Variants in INPP4B observed in about 807,000 individuals in gnomAD.
INPP4B encodes inositol polyphosphate-4-phosphatase type II B, also known as inositol polyphosphate 4-phosphatase type II.
Under a neutral mutation model 122.5 loss-of-function variants are expected in INPP4B, and 55 were observed. The ratio of observed to expected loss-of-function variants is 0.45; its 90% confidence interval spans 0.36 to 0.56. INPP4B has a LOEUF of 0.56. INPP4B is among the 20% of genes least tolerant of loss of function. The pLI is 0.00. For synonymous variants in INPP4B, 403 were observed against 388.7 expected (o/e 1.04, Z -0.43); for missense variants, 1,000 against 1,097.7 (o/e 0.91, Z 1.26).
chr4:142,317,262 C>T (rs1217057008), intron 7 of INPP4B: 5 of 351,050 alleles, frequency 1.4e-5, no homozygotes, highest in Non-Finnish European at 2.9e-5. Context: ...GGACCATCAA[C>T]AAACTACCAA....
chr4:142,228,113 A>C (rs1285326010), intron 12 of INPP4B, among the ~76,000 whole-genome samples: 1 of 151,670 alleles, frequency 6.6e-6, no homozygotes, highest in African/African-American at 2.4e-5. Context: ...TGCTCATCAC[A>C]AATATTTTTT....
At chr4:142,598,552 T>C (rs1739200490) in intron 2 of INPP4B, among the ~76,000 whole-genome samples, 1 of 152,158 alleles carries the variant, frequency 6.6e-6, no homozygotes, top group Admixed American at 6.5e-5. Flanking sequence ...GACCCAAGGA[T>C]GCTGGAGAGC....
chr4:142,210,004 T>A (rs1328326118), intron 12 of INPP4B, among the ~76,000 whole-genome samples: 1 of 152,136 alleles, frequency 6.6e-6, no homozygotes, highest in African/African-American at 2.4e-5. Context: ...TTAGCCAAGT[T>A]AATTTAAATC....
At chr4:142,485,591 T>G (rs1368358333) in intron 2 of INPP4B, among the ~76,000 whole-genome samples, 1 of 152,152 alleles carries the variant, frequency 6.6e-6, no homozygotes, top group African/African-American at 2.4e-5. Context: ...AAGTTTAATC[T>G]CTAAGAACTA....
intron 2 of INPP4B, among the ~76,000 whole-genome samples, chr4:142,693,522 A>T (rs897949443): frequency 4.9e-5 from 4 of 81,690 alleles, no homozygotes; most frequent in Admixed American, 1.7e-4. Flanking sequence ...AAAAAAAAAA[A>T]AAAAAAAAAA....
At chr4:142,107,034 A>C (rs1367605554) in intron 23 of INPP4B, among the ~76,000 whole-genome samples, 1 of 152,188 alleles carries the variant, frequency 6.6e-6, no homozygotes, top group Non-Finnish European at 1.5e-5. Context: ...GTAATTAACA[A>C]ATTTAATACT....
At chr4:142,227,394 T>C (rs1398487293) in intron 12 of INPP4B, among the ~76,000 whole-genome samples, 1 of 152,160 alleles carries the variant, frequency 6.6e-6, no homozygotes, top group Non-Finnish European at 1.5e-5. Context: ...AAGCTGTCAT[T>C]GCGCGATTTT....
At chr4:142,804,613 T>C (rs1778445451) in intron 1 of INPP4B, among the ~76,000 whole-genome samples, 2 of 152,218 alleles carry the variant, frequency 1.3e-5, no homozygotes, top group African/African-American at 4.8e-5. Flanking sequence ...TAGCACTTTC[T>C]ACAGCGTTTT....
At chr4:142,428,241 GTA>G (rs552844636) in intron 5 of INPP4B, among the ~76,000 whole-genome samples, 4 of 150,014 alleles carry the variant, frequency 2.7e-5, no homozygotes, top group African/African-American at 7.3e-5. Flanking sequence ...CCAGTATAGA[GTA>G]TATATATATA....
At chr4:142,804,095 A>G (rs2151098165) in intron 1 of INPP4B, among the ~76,000 whole-genome samples, 1 of 150,862 alleles carries the variant, frequency 6.6e-6, no homozygotes, top group East Asian at 1.9e-4. Flanking sequence ...ATAAATAAAT[A>G]AATAAAATCA....
At chr4:142,726,436 G>T (rs1374666604) in intron 1 of INPP4B, among the ~76,000 whole-genome samples, 1 of 152,172 alleles carries the variant, frequency 6.6e-6, no homozygotes, top group African/African-American at 2.4e-5. Context: ...CTTATGAGAT[G>T]TAATTTCAGA....
chr4:142,176,232 C>T (rs2645808), intron 15 of INPP4B, among the ~76,000 whole-genome samples: 97,124 of 150,462 alleles, frequency 0.65, 31,937 homozygotes, highest in Non-Finnish European at 0.7. Flanking sequence ...TGGTGTGCTG[C>T]ACCCATTAAG....
chr4:142,298,981 C>T (rs564260950), intron 9 of INPP4B, among the ~76,000 whole-genome samples: 3 of 152,114 alleles, frequency 2.0e-5, no homozygotes, highest in Non-Finnish European at 2.9e-5. Flanking sequence ...TTTACCTCTC[C>T]CTACATGTTT....
At chr4:142,516,650 T>C (rs1825447588) in intron 2 of INPP4B, among the ~76,000 whole-genome samples, 1 of 152,174 alleles carries the variant, frequency 6.6e-6, no homozygotes, top group South Asian at 2.1e-4. Flanking sequence ...TTGTCCTTGG[T>C]ATCTTCCTTT....
intron 18 of INPP4B, among the ~76,000 whole-genome samples, chr4:142,141,322 G>A (rs187345193): frequency 1.5e-3 from 233 of 152,136 alleles, no homozygotes; most frequent in African/African-American, 5.4e-3. Context: ...CATATTTTAG[G>A]AGGTTTAATT....
At position 142,173,771 on chromosome 4, in the gene INPP4B, G is replaced by A. The variant is rs368414369; in HGVS notation, c.1220C>T (p.Thr407Ile). ...GCTGAGAACTTCCTTTGCTTTGGCT[G>A]TGTTTTCAGGTGAATAGTAAATAAA... is the stretch of plus-strand genomic sequence containing the variant. ...YQFIYYSPEN[T>I]AKAKEVLSNI... Residue 407 changes from threonine (T) to isoleucine (I), a missense_variant, in exon 16 of 26, where the codon ACA (threonine) becomes ATA (isoleucine). Physicochemically the swap from Thr to Ile is moderately conservative, Grantham distance 89 (BLOSUM62 -1). Coordinates refer to ENST00000262992, the MANE Select transcript of INPP4B (RefSeq NM_001101669.3). The A allele has an allele frequency of 1.5e-5, 24 of 1,613,014 alleles. No individual in the cohort carries two copies. Among genetic ancestry groups the A allele is most frequent in the East Asian group, 6.7e-5 (3 of 44,850 alleles).
Position 142,255,684 on chromosome 4 carries a change from G to A in INPP4B, c.688+4808C>T, listed in dbSNP as rs549603897. Reference sequence around the variant, plus strand: ...CTAAATATATATATACCCAATACAGGAGCACCCAGATTCATAAAGTAAGTC... The same window carrying A: ...CTAAATATATATATACCCAATACAGAAGCACCCAGATTCATAAAGTAAGTC... On this transcript the variant is annotated intron_variant, in intron 11 of 25. Transcript: ENST00000262992. Among the ~76,000 whole-genome samples, 6 of 152,112 alleles carry A rather than the reference G, an allele frequency of 3.9e-5. No homozygotes were observed. In the South Asian group the frequency reaches 1.2e-3, roughly 32 times the overall value.
intron 24 of INPP4B, among the ~76,000 whole-genome samples, chr4:142,085,274 A>G (rs1776208598): frequency 6.6e-6 from 1 of 152,200 alleles, no homozygotes; most frequent in South Asian, 2.1e-4. Context: ...GAAGTAGGGG[A>G]AAACTTTCTG....
intron 15 of INPP4B, among the ~76,000 whole-genome samples, chr4:142,179,858 G>C (rs1373926448): frequency 6.6e-6 from 1 of 151,986 alleles, no homozygotes; most frequent in Non-Finnish European, 1.5e-5. Flanking sequence ...GATTTCGTTT[G>C]CCACCTTCCA....
Sources: gnomAD v4.1 joint callset for allele counts (sites outside exome capture counted in the v4.1 genomes callset) on GRCh38, gnomAD v4.1.1 for gene constraint, MANE v1.5 for transcripts, NCBI Gene and HGNC (gene_info 2026-07-23, HGNC 2026-07-21) for gene names.